IL24: variants seen among roughly 807,000 people sequenced by gnomAD.
The protein encoded by IL24 is interleukin-24.
In IL24, 24 loss-of-function variants were observed where a neutral mutation model predicts 27.6. The ratio of observed to expected loss-of-function variants is 0.87; its 90% CI spans 0.63 to 1.22. IL24 has a LOEUF of 1.22. Among genes scored for constraint, IL24 ranks in the 50% most tolerant of loss-of-function variants. IL24 has a pLI of 0.00. For synonymous variants in IL24, 99 were observed against 93.1 expected, an observed-to-expected ratio of 1.06 and a Z score of -0.36; for missense variants, 240 against 237.0, an observed-to-expected ratio of 1.01 and a Z score of -0.08.
At chr1:206,902,569 T>A in intron 6 of IL24, 1 of 967,096 alleles carries the variant, frequency 1.0e-6, no homozygotes, top group Non-Finnish European at 1.2e-6. Flanking sequence ...TCGATCACTT[T>A]TTTTTTTTTG....
chr1:206,899,567 G>A (rs775156887), intron 3 of IL24, 52 bp downstream of exon 3: 1 of 1,415,344 alleles, frequency 7.1e-7, no homozygotes, highest in South Asian at 1.4e-5. Flanking sequence ...GGGGGCAGTG[G>A]GCCAGTGGGG....
At chr1:206,897,922 G>A (rs1678222383) in intron 2 of IL24, 46 bp downstream of exon 2, 2 of 1,308,204 alleles carry the variant, frequency 1.5e-6, no homozygotes, top group African/African-American at 1.5e-5. Flanking sequence ...GGAGGCTGAG[G>A]TGGGCAGATC....
At chr1:206,899,540 C>A (rs958385557) in intron 3 of IL24, 25 bp downstream of exon 3, 2 of 1,530,500 alleles carry the variant, frequency 1.3e-6, no homozygotes, top group South Asian at 2.6e-5. Context: ...GTTCTGGACC[C>A]AGTCGTGGGG....
At chr1:206,897,989 C>T (rs1333306631) in intron 2 of IL24, 113 bp downstream of exon 2, 13 of 571,320 alleles carry the variant, frequency 2.3e-5, no homozygotes, top group Middle Eastern at 9.5e-4. Context: ...CCTGTCTCTA[C>T]TAAAAATACA....
intron 4 of IL24, 64 bp downstream of exon 4, chr1:206,900,421 C>T: frequency 1.4e-6 from 2 of 1,423,090 alleles, no homozygotes; most frequent in Non-Finnish European, 2.0e-6. Context: ...GAGTGCAAGG[C>T]TTTCTTAGGG....
chr1:206,898,179 AAAAAAAAGCCTGT>A (rs1337986639), intron 2 of IL24, among the ~76,000 whole-genome samples: 4,249 of 149,896 alleles, frequency 0.028, 125 homozygotes, highest in African/African-American at 0.068. Flanking sequence ...AAAAAAAAAA[AAAAAAAAGCCTGT>A]GGAGTTTGAA....
At chr1:206,902,851 T>A in intron 6 of IL24, 125 bp from the exon 7 acceptor site, 2 of 1,567,426 alleles carry the variant, frequency 1.3e-6, no homozygotes, top group Non-Finnish European at 1.7e-6. Flanking sequence ...GGTTCATCAG[T>A]GGGCTCATCC....
At position 206,897,850 on chromosome 1, in the gene IL24, G is replaced by C. The variant is rs762391049; in HGVS notation, c.18G>C (p.Arg6Ser). Residue 6 changes from arginine to serine, a missense_variant, in exon 2 of 7, where the codon AGG becomes AGC. By Grantham distance (110) the Arg-to-Ser change is moderately radical (BLOSUM62 -1). Transcript: ENST00000294984. MNFQQ[R>S]LQSLWTLARP... Reference sequence around the variant, plus strand: ...ACTGAGAGATGAATTTTCAACAGAGGCTGCAAAGCCTGTGGACTTTAGCCA... The same window carrying C: ...ACTGAGAGATGAATTTTCAACAGAGCCTGCAAAGCCTGTGGACTTTAGCCA... The C allele has an allele frequency of 1.2e-6, 2 of 1,609,604 alleles. No individual in the cohort carries two copies. The highest frequency in any genetic ancestry group is 1.3e-5 in the African/African-American group (1 of 74,794).
chr1:206,902,059 GA>G lies in IL24; in HGVS notation c.525del (p.Ala176HisfsTer7). ...SAHRRFLLFR[R>X]AFKQLDVEAA... ...CACAGGCGGTTTCTGCTATTCCGGA[GA>G]GCATTCAAACAGGTAAGGCCAAGAG... On this transcript the variant is annotated frameshift_variant, in exon 6 of 7. Coordinates refer to ENST00000294984, the MANE Select transcript of IL24 (RefSeq NM_006850.3). LOFTEE classifies it high-confidence loss of function. 3 of 1,614,034 alleles carry G rather than the reference GA, an allele frequency of 1.9e-6. No homozygotes were observed. Among genetic ancestry groups the G allele is most frequent in the Non-Finnish European group, 2.5e-6 (3 of 1,180,002 alleles).
chr1:206,903,048 T>C lies in IL24; in HGVS notation c.610T>C (p.Tyr204His). Residue 204 changes from tyrosine (Y) to histidine (H), a missense_variant, in exon 7 of 7, where the codon TAC becomes CAC. Tyr to His is a moderately conservative substitution (Grantham distance 83). Coordinates refer to ENST00000294984, the MANE Select transcript of IL24 (RefSeq NM_006850.3). ...DILLTWMQKF[Y>H]KL ...TCTTCTGACCTGGATGCAGAAATTC[T>C]ACAAGCTCTGAATGTCTAGACCAGG... 2 of 1,614,042 alleles carry C rather than the reference T, an allele frequency of 1.2e-6. No homozygotes were observed. The highest frequency in any genetic ancestry group is 1.7e-6 in the Non-Finnish European group (2 of 1,179,848).
chr1:206,903,590 G>T lies in IL24; in HGVS notation c.*531G>T, dbSNP rs1678488366. 6.5e-6 allele frequency: 1 copy of T among 153,768 alleles called. No homozygotes were observed. The highest frequency in any genetic ancestry group is 2.4e-5 in the African/African-American group (1 of 41,462). 9.5% of individuals were successfully genotyped at this position (153,768 alleles called of 1,614,324 possible). A position where few individuals can be genotyped will look rare whatever the true frequency, so the allele number is the denominator to read the frequency against. On this transcript the variant is annotated 3_prime_UTR_variant, in exon 7 of 7. Transcript: ENST00000294984. ...GCAGGGACAGAGCATTGGGGTGGGG[G>T]TAAGGTGCATCTGTTTGAAAAGTAA...
chr1:206,897,697 C>G, intron 1 of IL24, 34 bp from the exon 2 acceptor site: 5 of 773,908 alleles, frequency 6.5e-6, no homozygotes, highest in Non-Finnish European at 1.1e-5. Context: ...AAGGTGGGGA[C>G]AGCAGAAGTC....
chr1:206,902,156 G>C, intron 6 of IL24, 84 bp downstream of exon 6: 1 of 1,584,516 alleles, frequency 6.3e-7, no homozygotes, highest in Non-Finnish European at 8.6e-7. Flanking sequence ...GAGACCCAAT[G>C]CAGAATGTAA....
Position 206,897,838 on chromosome 1 carries a change from T to A in IL24, c.6T>A (p.Asn2Lys). 6.2e-7 allele frequency: 1 copy of A among 1,611,150 alleles called. No homozygotes were observed. The highest frequency in any genetic ancestry group is 1.1e-5 in the South Asian group (1 of 90,326). M[N>K]FQQRLQSLWT... is the part of the protein sequence containing the mutation. Reference sequence around the variant, plus strand: ...GAGGAACACGAGACTGAGAGATGAATTTTCAACAGAGGCTGCAAAGCCTGT... The same window carrying A: ...GAGGAACACGAGACTGAGAGATGAAATTTCAACAGAGGCTGCAAAGCCTGT... The change falls in exon 2 of 7, where the codon AAT (asparagine) becomes AAA (lysine). Residue 2 changes from asparagine to lysine, a missense_variant. Physicochemically the swap from Asn to Lys is moderately conservative, Grantham distance 94. Transcript: ENST00000294984.
Position 206,901,606 on chromosome 1 carries a change from C to G in IL24, c.416C>G (p.Thr139Ser). 2 of 1,614,226 alleles carry G rather than the reference C, an allele frequency of 1.2e-6. No individual in the cohort carries two copies. Among genetic ancestry groups the G allele is most frequent in the Non-Finnish European group, 1.7e-6 (2 of 1,180,024 alleles). Residue 139 changes from threonine to serine, a missense_variant, in exon 5 of 7, where the codon ACT (threonine) becomes AGT (serine). Thr to Ser is a moderately conservative substitution (Grantham distance 58). Transcript: ENST00000294984. ...VEVRTLKSFS[T>S]LANNFVLIVS... ...GTCAGGACTCTGAAGTCATTCTCTA[C>G]TCTGGCCAACAACTTTGTTCTCATC...
At chr1:206,899,191 A>G (rs1572604060) in intron 2 of IL24, 129 bp from the exon 3 acceptor site, 1 of 925,980 alleles carries the variant, frequency 1.1e-6, no homozygotes, top group Non-Finnish European at 1.6e-6. Flanking sequence ...GCCGGTTTGC[A>G]ATAGTCTCAA....
chr1:206,903,698 C>A lies in IL24; in HGVS notation c.*639C>A, dbSNP rs1256361974. 3 of 152,374 alleles carry A rather than the reference C, an allele frequency of 2.0e-5. No homozygotes were observed. The highest frequency in any genetic ancestry group is 7.2e-5 in the African/African-American group (3 of 41,448). 9.4% of individuals were successfully genotyped at this position (152,374 alleles called of 1,614,324 possible). A position where few individuals can be genotyped will look rare whatever the true frequency, so the allele number is the denominator to read the frequency against. ...TTTCCCACCCACACTCGCCAGCTCA[C>A]CCCATCATCCCTTTCCCTTGGTGCC... On this transcript the variant is annotated 3_prime_UTR_variant, in exon 7 of 7. Coordinates refer to ENST00000294984, the MANE Select transcript of IL24 (RefSeq NM_006850.3).
In IL24 at chr1:206,903,086, C is replaced by G. The variant is rs187890178; in HGVS notation, c.*27C>G. The G allele has an allele frequency of 5.0e-5, 79 of 1,575,982 alleles. No homozygotes were observed. In the East Asian group the frequency reaches 1.6e-3, roughly 31 times the overall value. On this transcript the variant is annotated 3_prime_UTR_variant, in exon 7 of 7. Coordinates refer to ENST00000294984, the MANE Select transcript of IL24 (RefSeq NM_006850.3). ...TGTCTAGACCAGGACCTCCCTCCCC[C>G]TGGCACTGGTTTGTTCCCTGTGTCA...
intron 4 of IL24, 123 bp downstream of exon 4, chr1:206,900,480 G>T (rs1678336670): frequency 1.2e-6 from 1 of 811,886 alleles, no homozygotes. Context: ...CCTTACACAG[G>T]ACAGGGCCAG....
Sources: gnomAD v4.1 joint callset for allele counts (sites outside exome capture counted in the v4.1 genomes callset) on GRCh38, gnomAD v4.1.1 for gene constraint, MANE v1.5 for transcripts, NCBI Gene and HGNC (gene_info 2026-07-23, HGNC 2026-07-21) for gene names.